ARNT2: variants seen among roughly 807,000 people sequenced by gnomAD.
ARNT2 encodes ARNT protein 2.
In ARNT2, 36 loss-of-function variants were observed where a neutral mutation model predicts 91.7. The ratio of observed to expected loss-of-function variants is 0.39; its 90% confidence interval spans 0.30 to 0.52. The LOEUF is 0.52. Ranked by LOEUF, ARNT2 falls within the 20% of genes least tolerant of loss-of-function variation. The pLI is 0.72. For missense variants in ARNT2, 775 were observed against 939.3 expected, an observed-to-expected ratio of 0.83 and a Z score of 2.29; for synonymous variants, 365 against 347.1, an observed-to-expected ratio of 1.05 and a Z score of -0.57.
intron 18 of ARNT2, among the ~76,000 whole-genome samples, chr15:80,592,494 A>G (rs915378092): frequency 6.6e-5 from 10 of 152,226 alleles, no homozygotes; most frequent in Non-Finnish European, 1.5e-4. Context: ...GGCAGGAACC[A>G]CATCGTGGGA....
At chr15:80,488,382 T>C (rs1237865584) in intron 5 of ARNT2, among the ~76,000 whole-genome samples, 2 of 152,238 alleles carry the variant, frequency 1.3e-5, no homozygotes. Context: ...AAAAGTCACC[T>C]CCTAAAGTTC....
chr15:80,456,890 C>G (rs184238823), intron 2 of ARNT2, among the ~76,000 whole-genome samples: 1 of 151,344 alleles, frequency 6.6e-6, no homozygotes, highest in African/African-American at 2.5e-5. Context: ...GGCAGGCTGG[C>G]CTTCCTTCTC....
chr15:80,593,355 G>C (rs2141490885), intron 18 of ARNT2, among the ~76,000 whole-genome samples: 1 of 152,360 alleles, frequency 6.6e-6, no homozygotes, highest in East Asian at 1.9e-4. Context: ...ACCTTAGATA[G>C]ACAAAGGGCA....
At chr15:80,495,847 C>T (rs183832914) in intron 5 of ARNT2, among the ~76,000 whole-genome samples, 173 of 152,312 alleles carry the variant, frequency 1.1e-3, no homozygotes, top group Middle Eastern at 0.01. Context: ...CTTGGGGCAT[C>T]CTATCCCTTG....
rs200894550 is a variant in ARNT2 at position 80,535,728 on chromosome 15, G to GTTT, written c.878-15459_878-15457dup. Among the ~76,000 whole-genome samples, 789 of 127,080 alleles carry GTTT rather than the reference G, an allele frequency of 6.2e-3. 4 individuals carry two copies. The highest frequency in any genetic ancestry group is 0.016 in the African/African-American group (584 of 35,572). The allele number at this position is 127,080 out of a possible 152,430, so 83.4% of individuals were successfully genotyped here. On this transcript the variant is annotated intron_variant, in intron 8 of 18. Transcript: ENST00000303329. The stretch of plus-strand genomic sequence containing the variant: ...GCTTATGTTGTTTTGCATCACACAG[G>GTTT]TTTTTTTTTTTTTTGTCTGTTTAAA...
chr15:80,557,858 C>T (rs1490137673), intron 11 of ARNT2, among the ~76,000 whole-genome samples: 1 of 152,208 alleles, frequency 6.6e-6, no homozygotes, highest in Non-Finnish European at 1.5e-5. Flanking sequence ...TCTTACTCTA[C>T]TCCAAGCCAT....
intron 8 of ARNT2, among the ~76,000 whole-genome samples, chr15:80,518,811 G>T (rs896116071): frequency 6.6e-6 from 1 of 152,106 alleles, no homozygotes; most frequent in African/African-American, 2.4e-5. Flanking sequence ...CCTCTTTTCC[G>T]TAGGTGAGAT....
intron 6 of ARNT2, among the ~76,000 whole-genome samples, chr15:80,512,194 C>T (rs111517871): frequency 4.6e-5 from 7 of 152,298 alleles, no homozygotes; most frequent in African/African-American, 1.7e-4. Context: ...GGTTGGTCTC[C>T]CTCAGATCAC....
At chr15:80,495,005 A>G (rs1897107111) in intron 5 of ARNT2, among the ~76,000 whole-genome samples, 1 of 152,112 alleles carries the variant, frequency 6.6e-6, no homozygotes. Context: ...TGCTTGGCGG[A>G]AAGGCTCTTC....
intron 12 of ARNT2, 69 bp from the exon 13 acceptor site, chr15:80,574,079 A>G: frequency 3.0e-6 from 4 of 1,346,396 alleles, no homozygotes. Context: ...GTATGGGAAA[A>G]GTCCTGGCTT....
intron 1 of ARNT2, among the ~76,000 whole-genome samples, chr15:80,437,944 C>CACAT (rs1213152025): frequency 6.6e-6 from 1 of 151,850 alleles, no homozygotes; most frequent in African/African-American, 2.4e-5. Context: ...CACACACACA[C>CACAT]ACACACACAC....
rs1856380569 is a variant in ARNT2 at position 80,570,578 on chromosome 15, A to C, written c.1317-3570A>C. 3.9e-5 allele frequency among the ~76,000 whole-genome samples: 6 copies of C among 152,214 alleles called. No homozygotes were observed. In the South Asian group the frequency reaches 1.2e-3, roughly 32 times the overall value. On this transcript the variant is annotated intron_variant, in intron 12 of 18. Coordinates refer to ENST00000303329, the MANE Select transcript of ARNT2 (RefSeq NM_014862.4). Reference sequence around the variant, plus strand: ...TTGGAAAATTATTTCTAGTGCTCCCACTTTGCTGGTCTAACAAGTGTGGGC... The same window carrying C: ...TTGGAAAATTATTTCTAGTGCTCCCCCTTTGCTGGTCTAACAAGTGTGGGC...
intron 2 of ARNT2, among the ~76,000 whole-genome samples, chr15:80,455,695 T>A (rs561073923): frequency 2.6e-5 from 4 of 152,056 alleles, no homozygotes; most frequent in Non-Finnish European, 5.9e-5. Context: ...GGATGGTTGG[T>A]CACCCTAAAC....
At chr15:80,562,146 C>T (rs1160715326) in intron 11 of ARNT2, among the ~76,000 whole-genome samples, 1 of 151,634 alleles carries the variant, frequency 6.6e-6, no homozygotes, top group Non-Finnish European at 1.5e-5. Context: ...GCAATGTCTG[C>T]TCACTGTAAC....
Position 80,574,139 on chromosome 15 carries a change from G to A in ARNT2, c.1317-9G>A. The A allele has an allele frequency of 1.9e-6, 3 of 1,613,978 alleles. No homozygotes were observed. Among genetic ancestry groups the A allele is most frequent in the Non-Finnish European group, 1.7e-6 (2 of 1,179,848 alleles). ...CTTCATGACCCTCTGTTGTCTTCTTGTTTCACAGGCAACTTCAGCAACAGC... is the reference window on the plus strand; with the variant it reads ...CTTCATGACCCTCTGTTGTCTTCTTATTTCACAGGCAACTTCAGCAACAGC... On this transcript the variant is annotated splice_polypyrimidine_tract_variant and intron_variant, in intron 12 of 18. Transcript: ENST00000303329.
At chr15:80,587,204 T>C (rs1022367816) in intron 17 of ARNT2, among the ~76,000 whole-genome samples, 1 of 152,202 alleles carries the variant, frequency 6.6e-6, no homozygotes, top group Non-Finnish European at 1.5e-5. Context: ...TGCCCTTTGG[T>C]GCACCTTGTT....
At chr15:80,459,373 G>C (rs1048589559) in intron 3 of ARNT2, among the ~76,000 whole-genome samples, 1 of 152,106 alleles carries the variant, frequency 6.6e-6, no homozygotes, top group African/African-American at 2.4e-5. Context: ...TTAATAGCAG[G>C]GTGTGCTTTC....
At chr15:80,512,169 G>A (rs1255990291) in intron 6 of ARNT2, among the ~76,000 whole-genome samples, 3 of 152,182 alleles carry the variant, frequency 2.0e-5, no homozygotes, top group Non-Finnish European at 2.9e-5. Flanking sequence ...AGCAAAACCT[G>A]TTTATGTACA....
intron 3 of ARNT2, among the ~76,000 whole-genome samples, chr15:80,461,411 G>A (rs1036050431): frequency 3.3e-5 from 5 of 152,198 alleles, no homozygotes; most frequent in African/African-American, 4.8e-5. Flanking sequence ...CCGGCAGGCC[G>A]GAGGAGTGAG....
Sources: gnomAD v4.1 joint callset for allele counts (sites outside exome capture counted in the v4.1 genomes callset) on GRCh38, gnomAD v4.1.1 for gene constraint, MANE v1.5 for transcripts, NCBI Gene and HGNC (gene_info 2026-07-23, HGNC 2026-07-21) for gene names.